The following SPAG17 variants were observed in gnomAD, a reference collection of about 807,000 sequenced individuals.
The protein encoded by SPAG17 is sperm-associated antigen 17.
Under a neutral mutation model 273.6 loss-of-function variants are expected in SPAG17, and 169 were observed. The observed-to-expected ratio is 0.62, with a 90% confidence interval of 0.55 to 0.70. The LOEUF (loss-of-function observed/expected upper bound fraction) is 0.70, where lower values mean the gene tolerates loss of function less well. Among genes scored for constraint, SPAG17 ranks in the 30% least tolerant of loss-of-function variants. The probability of loss-of-function intolerance (pLI) is 0.00; values close to 1 mark genes in which losing one functional copy is unlikely to be tolerated. For missense variants in SPAG17, 2,557 were observed against 2,627.8 expected (o/e 0.97, Z 0.59); for synonymous variants, 825 against 873.2 (o/e 0.94, Z 0.97).
rs143570982 is a variant in SPAG17 at position 118,132,967 on chromosome 1, T to C, written c.316-17526A>G. On this transcript the variant is annotated intron_variant, in intron 3 of 48. Transcript: ENST00000336338. The stretch of plus-strand genomic sequence containing the variant: ...TTTGTATTTTTAGTAGAGATAGGGT[T>C]TCACTATGTTGGCCAGGATGGTCTC... Among the ~76,000 whole-genome samples the C allele has an allele frequency of 4.5e-3, 692 of 152,192 alleles. 7 individuals carry two copies. The highest frequency in any genetic ancestry group is 0.016 in the African/African-American group (665 of 41,526).
chr1:117,991,841 G>A (rs1056702332), intron 36 of SPAG17, among the ~76,000 whole-genome samples: 1 of 152,192 alleles, frequency 6.6e-6, no homozygotes, highest in Non-Finnish European at 1.5e-5. Flanking sequence ...GTTAGATGAT[G>A]TGTAGGATCC....
At chr1:117,956,909 A>G (rs765384664) in intron 48 of SPAG17, among the ~76,000 whole-genome samples, 2 of 152,208 alleles carry the variant, frequency 1.3e-5, no homozygotes, top group African/African-American at 2.4e-5. Flanking sequence ...ACAAAAAACA[A>G]AGAGAGTCAT....
chr1:118,031,186 T>G (rs1212480165), intron 25 of SPAG17, among the ~76,000 whole-genome samples: 1 of 147,998 alleles, frequency 6.8e-6, no homozygotes, highest in Non-Finnish European at 1.5e-5. Context: ...TCTTTTTTTT[T>G]TTTTTTTTTT....
At chr1:118,143,199 TGA>T (rs1265513644) in intron 3 of SPAG17, among the ~76,000 whole-genome samples, 1 of 152,248 alleles carries the variant, frequency 6.6e-6, no homozygotes, top group Non-Finnish European at 1.5e-5. Context: ...ATAGAACTAC[TGA>T]GAGATTTAAA....
chr1:118,057,101 C>T (rs996281958), intron 18 of SPAG17, among the ~76,000 whole-genome samples: 6 of 151,944 alleles, frequency 3.9e-5, no homozygotes, highest in African/African-American at 1.5e-4. Flanking sequence ...TTCAGCCTCC[C>T]GAGTAGCTGG....
chr1:117,998,760 A>G (rs1158285215), intron 32 of SPAG17, among the ~76,000 whole-genome samples: 1 of 152,064 alleles, frequency 6.6e-6, no homozygotes, highest in Non-Finnish European at 1.5e-5. Flanking sequence ...CTCAGTGTAG[A>G]GAACTTTCAC....
At chr1:118,010,847 C>T (rs1039721465) in intron 30 of SPAG17, among the ~76,000 whole-genome samples, 3 of 151,982 alleles carry the variant, frequency 2.0e-5, no homozygotes, top group African/African-American at 7.2e-5. Context: ...TAACATCCAG[C>T]ATCCGTAAGG....
intron 1 of SPAG17, among the ~76,000 whole-genome samples, chr1:118,157,486 A>T (rs1021199418): frequency 1.3e-5 from 2 of 152,128 alleles, no homozygotes; most frequent in Non-Finnish European, 2.9e-5. Flanking sequence ...GCAGGGGCAA[A>T]CCACTCCAGG....
At chr1:118,075,157 T>G (rs536748462) in intron 15 of SPAG17, among the ~76,000 whole-genome samples, 43 of 152,226 alleles carry the variant, frequency 2.8e-4, no homozygotes, top group Non-Finnish European at 5.6e-4. Context: ...AACTTAAAAA[T>G]TATTTAATGA....
chr1:118,018,704 C>T (rs923612216), intron 28 of SPAG17, among the ~76,000 whole-genome samples: 1 of 151,536 alleles, frequency 6.6e-6, no homozygotes, highest in Admixed American at 6.6e-5. Context: ...CATGGTGGTG[C>T]ATGCCTGTTG....
At chr1:117,976,112 A>G (rs1241373144) in intron 43 of SPAG17, among the ~76,000 whole-genome samples, 8 of 152,160 alleles carry the variant, frequency 5.3e-5, no homozygotes, top group Non-Finnish European at 7.3e-5. Context: ...GAACCCAGGT[A>G]GAGCCTGTAC....
chr1:118,116,140 C>T (rs1657066033), intron 3 of SPAG17, among the ~76,000 whole-genome samples: 1 of 152,050 alleles, frequency 6.6e-6, no homozygotes, highest in Admixed American at 6.5e-5. Context: ...AGCTTGTTTC[C>T]CCTAAATTTC....
At chr1:118,069,872 G>C (rs1020136036) in intron 17 of SPAG17, among the ~76,000 whole-genome samples, 2 of 152,114 alleles carry the variant, frequency 1.3e-5, no homozygotes, top group Admixed American at 1.3e-4. Context: ...TGTTTCATGG[G>C]GGAAGGGATA....
At position 118,081,671 on chromosome 1, in the gene SPAG17, G is replaced by A. The variant is rs571125022; in HGVS notation, c.1763-29C>T. On this transcript the variant is annotated intron_variant, in intron 13 of 48. Transcript: ENST00000336338. ...TAAGAAAGCAGAACCAGTGCTGCTG[G>A]AAATGTTCTTATTAGCACATGGTAC... 21 of 1,568,432 alleles carry A rather than the reference G, an allele frequency of 1.3e-5. No homozygotes were observed. The African/African-American group carries it at 2.0e-4, about 15-fold the overall frequency.
chr1:118,066,936 T>G, intron 17 of SPAG17, 37 bp from the exon 18 acceptor site: 1 of 1,572,054 alleles, frequency 6.4e-7, no homozygotes, highest in Middle Eastern at 1.9e-4. Context: ...GAATCTTTTT[T>G]ATTTTCCCCA....
chr1:118,003,597 G>C (rs1459999685), intron 32 of SPAG17, among the ~76,000 whole-genome samples: 1 of 151,928 alleles, frequency 6.6e-6, no homozygotes, highest in African/African-American at 2.4e-5. Flanking sequence ...TCTTCCACTT[G>C]ATCAAATCAG....
chr1:118,148,306 A>C (rs1659166050), intron 3 of SPAG17, among the ~76,000 whole-genome samples: 1 of 152,186 alleles, frequency 6.6e-6, no homozygotes, highest in Admixed American at 6.5e-5. Flanking sequence ...CAGCTCTTAA[A>C]GTTGGTGCAG....
At chr1:118,114,296 C>A (rs1429223429) in intron 4 of SPAG17, among the ~76,000 whole-genome samples, 5 of 152,098 alleles carry the variant, frequency 3.3e-5, no homozygotes, top group South Asian at 2.1e-4. Flanking sequence ...ATGTACCACA[C>A]TAATAACATG....
Position 118,036,315 on chromosome 1 carries a change from C to T in SPAG17, c.3433+455G>A, listed in dbSNP as rs567391657. Among the ~76,000 whole-genome samples, 7 of 152,196 alleles carry T rather than the reference C, an allele frequency of 4.6e-5. No individual in the cohort carries two copies. In the East Asian group the frequency reaches 5.8e-4, roughly 13 times the overall value. On this transcript the variant is annotated intron_variant, in intron 24 of 48. Coordinates refer to ENST00000336338, the MANE Select transcript of SPAG17 (RefSeq NM_206996.4). The stretch of plus-strand genomic sequence containing the variant: ...GCTAACGTCCTGAAGCACACTGAAC[C>T]GTTCTATAATAACAGGATTCACAAA...
Sources: gnomAD v4.1 joint callset for allele counts (sites outside exome capture counted in the v4.1 genomes callset) on GRCh38, gnomAD v4.1.1 for gene constraint, MANE v1.5 for transcripts, NCBI Gene and HGNC (gene_info 2026-07-23, HGNC 2026-07-21) for gene names.